GPC5: variants seen among roughly 807,000 people sequenced by gnomAD.
The protein encoded by GPC5 is glypican-5.
In GPC5, 47 loss-of-function variants were observed where a neutral mutation model predicts 53.9. The observed-to-expected ratio is 0.87, with a 90% CI of 0.69 to 1.11. The LOEUF (loss-of-function observed/expected upper bound fraction) is 1.11, where lower values mean the gene tolerates loss of function less well. Among genes scored for constraint, GPC5 ranks in the 50% most tolerant of loss-of-function variants. The pLI is 0.00. For missense variants in GPC5, 748 were observed against 713.1 expected (o/e 1.05, Z -0.56); for synonymous variants, 286 against 263.3 (o/e 1.09, Z -0.84).
chr13:91,424,299 CT>C (rs201392542), intron 1 of GPC5, among the ~76,000 whole-genome samples: 33 of 114,332 alleles, frequency 2.9e-4, no homozygotes, highest in Middle Eastern at 4.3e-3. Flanking sequence ...ACAAGAATGA[CT>C]TTTTTTTTTG....
chr13:92,070,755 TTC>T (rs2041204666), intron 6 of GPC5, among the ~76,000 whole-genome samples: 1 of 152,202 alleles, frequency 6.6e-6, no homozygotes. Flanking sequence ...CAAATACTTT[TTC>T]TCTGATATCC....
chr13:92,660,018 T>C (rs1356239359), intron 7 of GPC5, among the ~76,000 whole-genome samples: 1 of 152,198 alleles, frequency 6.6e-6, no homozygotes, highest in East Asian at 1.9e-4. Flanking sequence ...TGTCTGCTCT[T>C]CCAGTCACAG....
At chr13:92,176,456 C>CT (rs762525456) in intron 7 of GPC5, among the ~76,000 whole-genome samples, 17 of 152,150 alleles carry the variant, frequency 1.1e-4, no homozygotes, top group Non-Finnish European at 2.4e-4. Flanking sequence ...ACACAGCACA[C>CT]TAAGTTAGAT....
chr13:92,856,232 T>A (rs1299261294), intron 7 of GPC5, among the ~76,000 whole-genome samples: 1 of 152,000 alleles, frequency 6.6e-6, no homozygotes, highest in Non-Finnish European at 1.5e-5. Flanking sequence ...ATTCACCACA[T>A]AAACAGAATT....
In GPC5 at chr13:92,441,746, A is replaced by G. The variant is rs147782249; in HGVS notation, c.1561+296757A>G. 1.4e-4 allele frequency among the ~76,000 whole-genome samples: 21 copies of G among 152,256 alleles called. No individual in the cohort carries two copies. The East Asian group carries it at 3.9e-3, about 28-fold the overall frequency. On this transcript the variant is annotated intron_variant, in intron 7 of 7. Transcript: ENST00000377067. ...AACTGGAAAAATCACTATCATTAAA[A>G]TGGCCCTACTTGCCTAGAACAGTTT...
At chr13:92,669,507 C>T (rs1435631451) in intron 7 of GPC5, among the ~76,000 whole-genome samples, 4 of 152,096 alleles carry the variant, frequency 2.6e-5, no homozygotes, top group Non-Finnish European at 4.4e-5. Flanking sequence ...TGCTGTATAT[C>T]GTCGGCTTGG....
chr13:91,915,652 G>A (rs1326123186), intron 6 of GPC5, among the ~76,000 whole-genome samples: 1 of 151,972 alleles, frequency 6.6e-6, no homozygotes, highest in Admixed American at 6.6e-5. Context: ...TTTTATTTAG[G>A]TGACTAGGAC....
rs138779230 is a variant in GPC5 at position 92,171,230 on chromosome 13, A to G, written c.1561+26241A>G. Among the ~76,000 whole-genome samples, 35 of 152,216 alleles carry G rather than the reference A, an allele frequency of 2.3e-4. No individual in the cohort carries two copies. The East Asian group carries it at 6.2e-3, about 27-fold the overall frequency. The stretch of plus-strand genomic sequence containing the variant: ...CTTTTTTGTTCTATGTACCAGACCC[A>G]GTTGCATCCTCAGAGACTTTGCTTT... On this transcript the variant is annotated intron_variant, in intron 7 of 7. Transcript: ENST00000377067.
chr13:92,850,014 A>G (rs1259239424), intron 7 of GPC5, among the ~76,000 whole-genome samples: 1 of 152,222 alleles, frequency 6.6e-6, no homozygotes, highest in East Asian at 1.9e-4. Flanking sequence ...TTCAGTGGCA[A>G]GACCCCGGAA....
At chr13:92,379,035 T>C (rs995943779) in intron 7 of GPC5, among the ~76,000 whole-genome samples, 4 of 152,202 alleles carry the variant, frequency 2.6e-5, no homozygotes, top group Admixed American at 2.6e-4. Context: ...CACCTCAGTG[T>C]TTTAAATGAG....
At chr13:92,610,889 G>A (rs1224631520) in intron 7 of GPC5, among the ~76,000 whole-genome samples, 1 of 151,976 alleles carries the variant, frequency 6.6e-6, no homozygotes, top group Non-Finnish European at 1.5e-5. Context: ...TTGACACATG[G>A]GGGAAAATAT....
intron 7 of GPC5, among the ~76,000 whole-genome samples, chr13:92,643,543 A>G (rs1404599978): frequency 1.4e-5 from 2 of 143,406 alleles, no homozygotes; most frequent in African/African-American, 5.2e-5. Flanking sequence ...AATACTATGC[A>G]GCCATAAAAA....
At chr13:92,560,542 A>T (rs989171487) in intron 7 of GPC5, among the ~76,000 whole-genome samples, 3 of 152,016 alleles carry the variant, frequency 2.0e-5, no homozygotes, top group Non-Finnish European at 2.9e-5. Flanking sequence ...AGAGAAGGAG[A>T]TGGGTAAATG....
At chr13:92,370,249 T>C (rs9561025) in intron 7 of GPC5, among the ~76,000 whole-genome samples, 15,001 of 152,278 alleles carry the variant, frequency 0.099, 850 homozygotes, top group East Asian at 0.21. Flanking sequence ...ATTTGGTTCT[T>C]AGGTGCATGA....
At chr13:92,588,718 G>A (rs1182567095) in intron 7 of GPC5, among the ~76,000 whole-genome samples, 3 of 152,154 alleles carry the variant, frequency 2.0e-5, no homozygotes, top group Admixed American at 6.5e-5. Context: ...AACTTAGAGA[G>A]TATGTTTATT....
chr13:92,615,706 G>A (rs538991507), intron 7 of GPC5, among the ~76,000 whole-genome samples: 3 of 152,184 alleles, frequency 2.0e-5, no homozygotes, highest in Admixed American at 1.3e-4. Flanking sequence ...CTCCAAGAAG[G>A]GGTATAAAGG....
chr13:92,402,373 A>G (rs1486615488), intron 7 of GPC5, among the ~76,000 whole-genome samples: 1 of 152,210 alleles, frequency 6.6e-6, no homozygotes, highest in Non-Finnish European at 1.5e-5. Flanking sequence ...CCACAAAGCA[A>G]TCAATATGTG....
intron 5 of GPC5, among the ~76,000 whole-genome samples, chr13:91,857,659 A>G (rs1017716441): frequency 1.3e-4 from 20 of 151,074 alleles, no homozygotes; most frequent in African/African-American, 4.8e-4. Flanking sequence ...CATTAAATAT[A>G]AGTTACAAGG....
intron 7 of GPC5, among the ~76,000 whole-genome samples, chr13:92,760,293 C>T (rs1351344746): frequency 6.6e-6 from 1 of 151,968 alleles, no homozygotes; most frequent in African/African-American, 2.4e-5. Context: ...TAGAATTAGG[C>T]CCTAATGCCA....
Sources: allele counts gnomAD v4.1 joint callset (sites outside exome capture counted in the v4.1 genomes callset), GRCh38; gene constraint gnomAD v4.1.1; transcripts MANE v1.5; gene names NCBI Gene and HGNC (gene_info 2026-07-23, HGNC 2026-07-21).